PLPP2: variants seen among roughly 807,000 people sequenced by gnomAD.
The protein encoded by PLPP2 is phospholipid phosphatase 2, also known as PAP2-gamma.
PLPP2 carries 29 observed loss-of-function variants against 35.2 expected under a neutral mutation model. The ratio of observed to expected loss-of-function variants is 0.82; its 90% CI spans 0.61 to 1.12. The LOEUF (loss-of-function observed/expected upper bound fraction) is 1.12, where lower values mean the gene tolerates loss of function less well. Ranked by LOEUF, PLPP2 falls within the 50% of genes most tolerant of loss-of-function variation. PLPP2 has a pLI of 0.00. For synonymous variants in PLPP2, 162 were observed against 167.0 expected (o/e 0.97, Z 0.23); for missense variants, 353 against 375.2 (o/e 0.94, Z 0.49).
intron 3 of PLPP2, chr19:285,126 A>T (rs1453754611): frequency 6.6e-6 from 1 of 151,368 alleles, no homozygotes; most frequent in African/African-American, 2.4e-5. Context: ...AAAAAAACAA[A>T]GAAAATAGGT....
At position 291,383 on chromosome 19, in the gene PLPP2, C is replaced by T; in HGVS notation, c.-47G>A. 6.4e-7 allele frequency: 1 copy of T among 1,562,272 alleles called. No individual in the cohort carries two copies. Among genetic ancestry groups the T allele is most frequent in the Non-Finnish European group, 8.7e-7 (1 of 1,155,006 alleles). On this transcript the variant is annotated 5_prime_UTR_variant, in exon 1 of 6. Coordinates refer to ENST00000434325, the MANE Select transcript of PLPP2 (RefSeq NM_003712.4). ...CGGTCCCAGCGCGTCCCGTCGCGTC[C>T]CGGCCCGGCCGCGGAGTCACGTGGC...
At chr19:290,877 C>T in intron 1 of PLPP2, 2 of 1,145,730 alleles carry the variant, frequency 1.7e-6, no homozygotes, top group Non-Finnish European at 2.2e-6. Context: ...GAGCGCCCAC[C>T]CCAGGGGCGG....
intron 5 of PLPP2, 37 bp from the exon 6 acceptor site, chr19:281,574 C>G: frequency 1.4e-6 from 2 of 1,434,272 alleles, no homozygotes; most frequent in Non-Finnish European, 1.8e-6. Context: ...GGGCAGGGGG[C>G]TGTCCAGGTA....
intron 1 of PLPP2, among the ~76,000 whole-genome samples, chr19:289,861 G>GGAA (rs1178316701): frequency 1.3e-5 from 2 of 152,062 alleles, no homozygotes; most frequent in Non-Finnish European, 2.9e-5. Flanking sequence ...CCGGCCGGGT[G>GGAA]GAAAGTCAGG....
chr19:289,930 C>T (rs2145279114), intron 1 of PLPP2, among the ~76,000 whole-genome samples: 1 of 152,204 alleles, frequency 6.6e-6, no homozygotes, highest in East Asian at 1.9e-4. Flanking sequence ...GGCGGAGGCT[C>T]ACACAGGTTA....
chr19:282,950 C>A, intron 3 of PLPP2, 141 bp from the exon 4 acceptor site: 2 of 707,852 alleles, frequency 2.8e-6, no homozygotes. Flanking sequence ...GAAACTGTTC[C>A]CCTTTTCTGT....
chr19:289,973 T>TC (rs1310910479), intron 1 of PLPP2, among the ~76,000 whole-genome samples: 2 of 151,996 alleles, frequency 1.3e-5, no homozygotes, highest in African/African-American at 4.8e-5. Context: ...CCCCAGCAAC[T>TC]CCAACTAGAG....
Position 281,355 on chromosome 19 carries a change from C to A in PLPP2, c.*33G>T. On this transcript the variant is annotated 3_prime_UTR_variant, in exon 6 of 6. Coordinates refer to ENST00000434325, the MANE Select transcript of PLPP2 (RefSeq NM_003712.4). ...CACCTGGGTGGGCCTCAGCTGGACT[C>A]ACAGCAGCTCCCTGCCTGGGCGGGG... 7.2e-7 allele frequency: 1 copy of A among 1,381,232 alleles called. No homozygotes were observed. The highest frequency in any genetic ancestry group is 9.4e-7 in the Non-Finnish European group (1 of 1,059,874). 85.6% of individuals were successfully genotyped at this position (1,381,232 alleles called of 1,614,324 possible). A position where few individuals can be genotyped will look rare whatever the true frequency, so the allele number is the denominator to read the frequency against.
At chr19:290,753 T>A (rs1198237396) in intron 1 of PLPP2, among the ~76,000 whole-genome samples, 26 of 151,816 alleles carry the variant, frequency 1.7e-4, no homozygotes, top group Non-Finnish European at 1.5e-5. Context: ...ATCCCCAGTG[T>A]CTCCCCCGCC....
intron 1 of PLPP2, among the ~76,000 whole-genome samples, chr19:290,112 A>G (rs1216765187): frequency 6.6e-6 from 1 of 152,048 alleles, no homozygotes; most frequent in African/African-American, 2.4e-5. Context: ...CACTGCCCTC[A>G]TGCCAGCATC....
intron 5 of PLPP2, among the ~76,000 whole-genome samples, chr19:281,753 AG>A (rs1319355076): frequency 1.4e-5 from 2 of 145,186 alleles, no homozygotes; most frequent in African/African-American, 2.5e-5. Context: ...GAACTGCAGT[AG>A]GGCCAGGGGT....
chr19:289,376 T>C (rs573815307), intron 1 of PLPP2, among the ~76,000 whole-genome samples: 2 of 152,126 alleles, frequency 1.3e-5, no homozygotes, highest in East Asian at 1.9e-4. Flanking sequence ...TCTGGGGAAA[T>C]AATCTGGTGA....
Position 287,418 on chromosome 19 carries a change from G to A in PLPP2, c.482+56C>T, listed in dbSNP as rs971267795. On this transcript the variant is annotated intron_variant, in intron 3 of 5. Coordinates refer to ENST00000434325, the MANE Select transcript of PLPP2 (RefSeq NM_003712.4). This position sits in a 1 kb window ranked among gnomAD's most constrained non-coding sequence, Gnocchi z 4.3. ...GCTGGCTCTTCATGATTTGGCTCCAGGGCCTTCTTCAGCTCCCATTCCCCA... is the reference window on the plus strand; with the variant it reads ...GCTGGCTCTTCATGATTTGGCTCCAAGGCCTTCTTCAGCTCCCATTCCCCA... 1 of 1,558,962 alleles carries A rather than the reference G, an allele frequency of 6.4e-7. No individual in the cohort carries two copies. Among genetic ancestry groups the A allele is most frequent in the Non-Finnish European group, 8.7e-7 (1 of 1,149,804 alleles).
Position 282,797 on chromosome 19 carries a change from G to C in PLPP2, c.495C>G (p.Tyr165Ter). The C allele has an allele frequency of 1.2e-6, 2 of 1,613,656 alleles. No homozygotes were observed. The highest frequency in any genetic ancestry group is 1.7e-6 in the Non-Finnish European group (2 of 1,179,832). The change falls in exon 4 of 6, where the codon TAC becomes TAG. Residue 165 changes from tyrosine to a stop codon, truncating the protein, a stop_gained. Transcript: ENST00000434325. LOFTEE classifies it high-confidence loss of function. ...ADVTEARLSF[Y>*]SGHSSFGMYC... ...ACATCCCAAAGGAAGAGTGTCCCGA[G>C]TAGAAAGACAACCTGAGGAAGGAGA... is the stretch of plus-strand genomic sequence containing the variant.
chr19:282,625 A>G, intron 4 of PLPP2, 127 bp downstream of exon 4: 1 of 1,054,906 alleles, frequency 9.5e-7, no homozygotes, highest in East Asian at 2.6e-5. Flanking sequence ...GTTTTTATAA[A>G]CAAATCAGTT....
chr19:290,985 C>T (rs895954289), intron 1 of PLPP2: 3 of 1,248,426 alleles, frequency 2.4e-6, no homozygotes, highest in African/African-American at 3.1e-5. Flanking sequence ...TGGAGGCGCG[C>T]GCGCGGCCCC....
chr19:282,440 C>A, intron 4 of PLPP2, 130 bp from the exon 5 acceptor site: 1 of 595,494 alleles, frequency 1.7e-6, no homozygotes, highest in Non-Finnish European at 2.8e-6. Flanking sequence ...AGCCTGTGCA[C>A]CTGCCAGGCG....
At chr19:283,620 T>G (rs1970219433) in intron 3 of PLPP2, 2 of 152,242 alleles carry the variant, frequency 1.3e-5, no homozygotes, top group African/African-American at 4.8e-5. Context: ...TAAAATGCTC[T>G]GGGCGATGGG....
chr19:287,805 C>T lies in PLPP2; in HGVS notation c.205-54G>A, dbSNP rs1159579937. On this transcript the variant is annotated intron_variant, in intron 2 of 5. Coordinates refer to ENST00000434325, the MANE Select transcript of PLPP2 (RefSeq NM_003712.4). The surrounding 1 kb of genome is among the most constrained non-coding windows in gnomAD (Gnocchi z 4.3). ...GGGTCTCGGTCGGCCCAGGGGCCCT[C>T]ACTCCTCCGCACGGGCCTCCCCAAG... 6.3e-6 allele frequency: 10 copies of T among 1,594,638 alleles called. No homozygotes were observed. The Admixed American group carries it at 1.7e-4, about 27-fold the overall frequency.
Sources: allele counts gnomAD v4.1 joint callset (sites outside exome capture counted in the v4.1 genomes callset), GRCh38; gene constraint gnomAD v4.1.1; non-coding constraint Gnocchi (gnomAD v3.1); transcripts MANE v1.5; gene names NCBI Gene and HGNC (gene_info 2026-07-23, HGNC 2026-07-21).